CEP112: variants seen among roughly 807,000 people sequenced by gnomAD.
CEP112 encodes the protein centrosomal protein of 112 kDa.
CEP112 carries 127 observed loss-of-function variants against 153.0 expected under a neutral mutation model. The ratio of observed to expected loss-of-function variants is 0.83; its 90% CI spans 0.72 to 0.96. CEP112 has a LOEUF of 0.96. Among genes scored for constraint, CEP112 ranks in the 40% least tolerant of loss-of-function variants. The pLI is 0.00. For missense variants in CEP112, 1,089 were observed against 1,101.2 expected, an observed-to-expected ratio of 0.99 and a Z score of 0.16; for synonymous variants, 358 against 374.4, an observed-to-expected ratio of 0.96 and a Z score of 0.51.
chr17:65,837,334 C>T (rs1223076159), intron 21 of CEP112, among the ~76,000 whole-genome samples: 2 of 151,758 alleles, frequency 1.3e-5, no homozygotes, highest in Non-Finnish European at 1.5e-5. Context: ...CTCTTCCTGG[C>T]CGTCATCCCG....
In CEP112 at chr17:65,757,540, T is replaced by G. The variant is rs183948559; in HGVS notation, c.2395-6816A>C. 4.6e-5 allele frequency among the ~76,000 whole-genome samples: 7 copies of G among 152,306 alleles called. No homozygotes were observed. The South Asian group carries it at 8.3e-4, about 18-fold the overall frequency. Reference sequence around the variant, plus strand: ...ATCAGGACCCACTTGAAATTGCCAATGCTGAATTTAAAATGAGGCCAGTCT... The same window carrying G: ...ATCAGGACCCACTTGAAATTGCCAAGGCTGAATTTAAAATGAGGCCAGTCT... On this transcript the variant is annotated intron_variant, in intron 21 of 26. Transcript: ENST00000535342.
At chr17:65,741,728 G>C (rs1400359707) in intron 23 of CEP112, among the ~76,000 whole-genome samples, 1 of 151,370 alleles carries the variant, frequency 6.6e-6, no homozygotes, top group South Asian at 2.1e-4. Flanking sequence ...CCTACTACTT[G>C]GTATTTGGAC....
chr17:65,722,285 G>A (rs1254640450), intron 23 of CEP112, among the ~76,000 whole-genome samples: 7 of 152,134 alleles, frequency 4.6e-5, no homozygotes, highest in Non-Finnish European at 1.0e-4. Flanking sequence ...GTCTCCCTTT[G>A]TTGCCCAGGC....
chr17:66,061,160 G>C (rs950876679), intron 11 of CEP112, among the ~76,000 whole-genome samples: 5 of 151,990 alleles, frequency 3.3e-5, no homozygotes, highest in African/African-American at 1.2e-4. Flanking sequence ...CACAGAAATG[G>C]CCAAAAGGTA....
intron 17 of CEP112, among the ~76,000 whole-genome samples, chr17:65,976,765 G>A (rs2063052327): frequency 7.4e-6 from 1 of 135,220 alleles, no homozygotes. Context: ...GAGACAGAGA[G>A]TCTCACTCTG....
At chr17:65,754,103 TATCA>T (rs1415595894) in intron 21 of CEP112, among the ~76,000 whole-genome samples, 10 of 152,196 alleles carry the variant, frequency 6.6e-5, no homozygotes, top group Non-Finnish European at 1.5e-4. Context: ...TATGGAGAAG[TATCA>T]ATCAAGAAAG....
intron 23 of CEP112, among the ~76,000 whole-genome samples, chr17:65,707,820 A>G (rs528140013): frequency 1.3e-5 from 2 of 152,368 alleles, no homozygotes; most frequent in African/African-American, 4.8e-5. Context: ...TAAAGAGACA[A>G]TGTGCAAGGT....
At chr17:65,950,160 A>G (rs2061774693) in intron 18 of CEP112, among the ~76,000 whole-genome samples, 1 of 152,146 alleles carries the variant, frequency 6.6e-6, no homozygotes, top group Admixed American at 6.6e-5. Flanking sequence ...TTAGGCCTTC[A>G]TGAATTTCTA....
chr17:66,128,028 C>T (rs949288511), intron 6 of CEP112, among the ~76,000 whole-genome samples: 7 of 152,028 alleles, frequency 4.6e-5, no homozygotes, highest in African/African-American at 1.2e-4. Flanking sequence ...CGGCCAGGCG[C>T]GGTGGCCCAC....
intron 16 of CEP112, among the ~76,000 whole-genome samples, chr17:66,013,333 C>T (rs1276726497): frequency 6.6e-6 from 1 of 152,178 alleles, no homozygotes; most frequent in African/African-American, 2.4e-5. Context: ...TCTTTCTCAT[C>T]TGTGTGGGCT....
chr17:66,162,386 G>A (rs1337412014), intron 4 of CEP112, among the ~76,000 whole-genome samples: 1 of 152,096 alleles, frequency 6.6e-6, no homozygotes, highest in African/African-American at 2.4e-5. Flanking sequence ...AATGTAAACT[G>A]GTACAGCCAC....
chr17:66,075,854 C>T (rs544526985), intron 8 of CEP112, among the ~76,000 whole-genome samples: 348 of 152,250 alleles, frequency 2.3e-3, no homozygotes, highest in African/African-American at 8.1e-3. Flanking sequence ...TCCTGCAGGA[C>T]GCGGGAGACA....
At chr17:65,649,592 A>AT (rs2045628144) in intron 24 of CEP112, among the ~76,000 whole-genome samples, 1 of 151,742 alleles carries the variant, frequency 6.6e-6, no homozygotes, top group African/African-American at 2.4e-5. Context: ...GGTGGCATGC[A>AT]TCTGCGGTCC....
At chr17:65,895,343 GT>G (rs2059623237) in intron 20 of CEP112, among the ~76,000 whole-genome samples, 1 of 152,014 alleles carries the variant, frequency 6.6e-6, no homozygotes, top group Non-Finnish European at 1.5e-5. Flanking sequence ...ACTTGTTGTT[GT>G]TGTTGTTGTT....
At chr17:66,120,670 T>TGC (rs1394533784) in intron 6 of CEP112, among the ~76,000 whole-genome samples, 3 of 152,216 alleles carry the variant, frequency 2.0e-5, no homozygotes, top group Non-Finnish European at 4.4e-5. Context: ...AGTAATCTCT[T>TGC]ATTATACTTT....
chr17:65,821,498 AT>A lies in CEP112; in HGVS notation c.2394+30305del, dbSNP rs1568066608. On this transcript the variant is annotated intron_variant, in intron 21 of 26. Coordinates refer to ENST00000535342, the MANE Select transcript of CEP112 (RefSeq NM_001199165.4). Reference sequence around the variant, plus strand: ...AATTATTAAACTTATATATATAATTATATATATATATATAATTATATATATA... The same window carrying A: ...AATTATTAAACTTATATATATAATTAATATATATATATAATTATATATATA... 8.8e-4 allele frequency among the ~76,000 whole-genome samples: 106 copies of A among 120,096 alleles called. 1 individual carries two copies. The highest frequency in any genetic ancestry group is 3.4e-3 in the African/African-American group (102 of 30,396). 78.8% of individuals were successfully genotyped at this position (120,096 alleles called of 152,430 possible).
At chr17:65,862,234 AG>A (rs1260039286) in intron 20 of CEP112, among the ~76,000 whole-genome samples, 1 of 152,212 alleles carries the variant, frequency 6.6e-6, no homozygotes, top group Non-Finnish European at 1.5e-5. Context: ...ACTCTGGGGA[AG>A]GGTGGTTAGG....
At position 65,916,064 on chromosome 17, in the gene CEP112, A is replaced by T. The variant is rs190883961; in HGVS notation, c.1980+11518T>A. Among the ~76,000 whole-genome samples, 35 of 152,220 alleles carry T rather than the reference A, an allele frequency of 2.3e-4. 1 individual carries two copies. The East Asian group carries it at 6.6e-3, about 29-fold the overall frequency. Reference sequence around the variant, plus strand: ...TATGGTTTCCTCCTTCACTTCATCCAGGTCTTAATTTGAATATCATTTCAG... The same window carrying T: ...TATGGTTTCCTCCTTCACTTCATCCTGGTCTTAATTTGAATATCATTTCAG... On this transcript the variant is annotated intron_variant, in intron 19 of 26. Transcript: ENST00000535342.
chr17:66,038,302 T>G (rs2065828213), intron 12 of CEP112, among the ~76,000 whole-genome samples: 1 of 152,178 alleles, frequency 6.6e-6, no homozygotes, highest in African/African-American at 2.4e-5. Context: ...TATATACTGA[T>G]GCCAAGTTTC....
Sources: allele counts gnomAD v4.1 joint callset (sites outside exome capture counted in the v4.1 genomes callset), GRCh38; gene constraint gnomAD v4.1.1; transcripts MANE v1.5; gene names NCBI Gene and HGNC (gene_info 2026-07-23, HGNC 2026-07-21).